Variants in WWOX observed in about 807,000 individuals in gnomAD.
WWOX encodes the protein WW domain containing oxidoreductase.
In WWOX, 69 loss-of-function variants were observed where a neutral mutation model predicts 46.2. The ratio of observed to expected loss-of-function variants is 1.49; its 90% confidence interval spans 1.23 to 1.82. The LOEUF is 1.82. WWOX is among the 40% of genes most tolerant of loss of function. WWOX has a pLI of 0.00. For synonymous variants in WWOX, 359 were observed against 202.6 expected, an observed-to-expected ratio of 1.77 and a Z score of -6.56; for missense variants, 919 against 542.6, an observed-to-expected ratio of 1.69 and a Z score of -6.89.
rs185124552 is a variant in WWOX at position 78,571,556 on chromosome 16, T to C, written c.1056+138804T>C. Among the ~76,000 whole-genome samples, 14 of 152,300 alleles carry C rather than the reference T, an allele frequency of 9.2e-5. No homozygotes were observed. In the East Asian group the frequency reaches 2.7e-3, roughly 29 times the overall value. ...AGAATACCATATTATCGAAAGGATG[T>C]TCAAACTCATCAGTTAGAGGCGTTG... is the stretch of plus-strand genomic sequence containing the variant. On this transcript the variant is annotated intron_variant, in intron 8 of 8. Coordinates refer to ENST00000566780, the MANE Select transcript of WWOX (RefSeq NM_016373.4).
intron 8 of WWOX, among the ~76,000 whole-genome samples, chr16:78,435,968 A>G (rs992339471): frequency 1.3e-5 from 2 of 152,228 alleles, no homozygotes; most frequent in Non-Finnish European, 2.9e-5. Context: ...AGTTCTAAAA[A>G]TGTGGCTAAT....
intron 8 of WWOX, among the ~76,000 whole-genome samples, chr16:78,866,151 T>C (rs903398059): frequency 6.6e-6 from 1 of 152,206 alleles, no homozygotes; most frequent in Non-Finnish European, 1.5e-5. Flanking sequence ...CCCATCTAGC[T>C]CCTGGGCTAA....
chr16:78,916,289 G>A (rs750481131), intron 8 of WWOX, among the ~76,000 whole-genome samples: 11 of 152,200 alleles, frequency 7.2e-5, no homozygotes, highest in African/African-American at 1.4e-4. Flanking sequence ...TATGATGGAT[G>A]GAGACCCTGT....
intron 8 of WWOX, among the ~76,000 whole-genome samples, chr16:78,568,995 A>T (rs958229779): frequency 2.0e-5 from 3 of 152,212 alleles, no homozygotes; most frequent in African/African-American, 7.2e-5. Flanking sequence ...GGATTTACCC[A>T]GATAGTGCTG....
At chr16:78,738,362 A>G (rs2049137512) in intron 8 of WWOX, among the ~76,000 whole-genome samples, 1 of 152,174 alleles carries the variant, frequency 6.6e-6, no homozygotes, top group African/African-American at 2.4e-5. Context: ...TAAAATCAAT[A>G]TTTATGTGTA....
intron 8 of WWOX, chr16:78,551,356 T>A (rs2151543222): frequency 6.6e-6 from 1 of 152,248 alleles, no homozygotes; most frequent in African/African-American, 2.4e-5. Flanking sequence ...AGGATGTTGA[T>A]CTCCTATTTA....
At chr16:78,603,957 C>T (rs1161219087) in intron 8 of WWOX, among the ~76,000 whole-genome samples, 1 of 151,926 alleles carries the variant, frequency 6.6e-6, no homozygotes, top group Non-Finnish European at 1.5e-5. Context: ...GCCTGGGTAA[C>T]ATAGGGAAAC....
chr16:78,366,128 C>G (rs1267030560), intron 5 of WWOX, among the ~76,000 whole-genome samples: 1 of 152,174 alleles, frequency 6.6e-6, no homozygotes, highest in Non-Finnish European at 1.5e-5. Flanking sequence ...CTAGAAACCC[C>G]TATTTCAATT....
At chr16:78,834,627 A>G (rs1450906311) in intron 8 of WWOX, among the ~76,000 whole-genome samples, 2 of 152,216 alleles carry the variant, frequency 1.3e-5, no homozygotes, top group African/African-American at 4.8e-5. Context: ...AGATGAAGAC[A>G]GGGTTCCAGG....
At chr16:78,155,911 C>G (rs1336550503) in intron 4 of WWOX, among the ~76,000 whole-genome samples, 1 of 152,166 alleles carries the variant, frequency 6.6e-6, no homozygotes, top group Non-Finnish European at 1.5e-5. Flanking sequence ...ATATAAAACT[C>G]CACACTCTAG....
chr16:78,579,380 C>A (rs1250766922), intron 8 of WWOX, among the ~76,000 whole-genome samples: 1 of 152,034 alleles, frequency 6.6e-6, no homozygotes, highest in African/African-American at 2.4e-5. Context: ...ATGTCTGAGC[C>A]AAATTGAAGG....
intron 5 of WWOX, among the ~76,000 whole-genome samples, chr16:78,380,137 C>G (rs777910554): frequency 6.6e-6 from 1 of 152,108 alleles, no homozygotes; most frequent in Non-Finnish European, 1.5e-5. Flanking sequence ...ACCGGGTTAC[C>G]AAGAGCAGGA....
intron 8 of WWOX, among the ~76,000 whole-genome samples, chr16:78,994,662 C>T (rs896742888): frequency 2.0e-5 from 3 of 152,092 alleles, no homozygotes; most frequent in Admixed American, 6.5e-5. Flanking sequence ...CCAGGAAGCC[C>T]AATCGCGTCA....
chr16:78,919,414 C>T (rs1184253026), intron 8 of WWOX, among the ~76,000 whole-genome samples: 1 of 151,980 alleles, frequency 6.6e-6, no homozygotes, highest in East Asian at 1.9e-4. Flanking sequence ...TGGTCTAGCA[C>T]AGGATCACCA....
In WWOX at chr16:78,568,946, T is replaced by C. The variant is rs116361980; in HGVS notation, c.1056+136194T>C. ...TTATACTTGAGGTCTTATTGTCCACTTCTACCTTAGCTATGTAAACAGATG... is the reference window on the plus strand; with the variant it reads ...TTATACTTGAGGTCTTATTGTCCACCTCTACCTTAGCTATGTAAACAGATG... On this transcript the variant is annotated intron_variant, in intron 8 of 8. Coordinates refer to ENST00000566780, the MANE Select transcript of WWOX (RefSeq NM_016373.4). 2.4e-3 allele frequency among the ~76,000 whole-genome samples: 370 copies of C among 152,376 alleles called. 5 individuals carry two copies. Among genetic ancestry groups the C allele is most frequent in the African/African-American group, 8.6e-3 (357 of 41,594 alleles).
chr16:78,505,818 A>G (rs79842765), intron 8 of WWOX, among the ~76,000 whole-genome samples: 4 of 99,376 alleles, frequency 4.0e-5, no homozygotes, highest in Non-Finnish European at 9.4e-5. Flanking sequence ...AAAATTACCC[A>G]GATGATCTGA....
chr16:79,123,979 G>A lies in WWOX; in HGVS notation c.1057-87629G>A, dbSNP rs553217710. ...ACCATTAGGATAAATTACTACAAGAGGCACTGCAAAGCCAAGCTAAATAAA... is the reference window on the plus strand; with the variant it reads ...ACCATTAGGATAAATTACTACAAGAAGCACTGCAAAGCCAAGCTAAATAAA... On this transcript the variant is annotated intron_variant, in intron 8 of 8. Coordinates refer to ENST00000566780, the MANE Select transcript of WWOX (RefSeq NM_016373.4). 2.0e-5 allele frequency among the ~76,000 whole-genome samples: 3 copies of A among 152,102 alleles called. No homozygotes were observed. The East Asian group carries it at 5.8e-4, about 29-fold the overall frequency.
intron 8 of WWOX, among the ~76,000 whole-genome samples, chr16:79,020,284 G>A (rs758000279): frequency 1.3e-5 from 2 of 152,350 alleles, no homozygotes; most frequent in Middle Eastern, 3.4e-3. Context: ...GGGCAGTCAT[G>A]GAAGACTTCT....
At chr16:79,101,272 A>C (rs552664913) in intron 8 of WWOX, 2 of 152,310 alleles carry the variant, frequency 1.3e-5, no homozygotes, top group Admixed American at 6.5e-5. Context: ...AATGTTTTGA[A>C]ATGAGCTTGA....
Sources: allele counts gnomAD v4.1 joint callset (sites outside exome capture counted in the v4.1 genomes callset), GRCh38; gene constraint gnomAD v4.1.1; transcripts MANE v1.5; gene names NCBI Gene and HGNC (gene_info 2026-07-23, HGNC 2026-07-21).